PEAR1: variants seen among roughly 807,000 people sequenced by gnomAD.
PEAR1 encodes the protein multiple EGF-like domains protein 12.
PEAR1 carries 113 observed loss-of-function variants against 131.2 expected under a neutral mutation model. The ratio of observed to expected loss-of-function variants is 0.86; its 90% CI spans 0.74 to 1.01. The LOEUF (loss-of-function observed/expected upper bound fraction) is 1.01, where lower values mean the gene tolerates loss of function less well. Ranked by LOEUF, PEAR1 falls within the 50% of genes least tolerant of loss-of-function variation. The pLI, the probability that PEAR1 is intolerant of heterozygous loss-of-function variation, is 0.00. For synonymous variants in PEAR1, 565 were observed against 523.3 expected, an observed-to-expected ratio of 1.08 and a Z score of -1.09; for missense variants, 1,408 against 1,391.1, an observed-to-expected ratio of 1.01 and a Z score of -0.19.
chr1:156,914,112 C>A lies in PEAR1; in HGVS notation c.2962+12C>A. The A allele has an allele frequency of 1.9e-6, 3 of 1,575,972 alleles. No individual in the cohort carries two copies. Among genetic ancestry groups the A allele is most frequent in the East Asian group, 2.3e-5 (1 of 43,286 alleles). ...CCCCCTGATCCATGGTGAGCCCTCC[C>A]TCTCCACTGGCAGGAGCAGCAGAGA... On this transcript the variant is annotated intron_variant, in intron 22 of 22. Transcript: ENST00000292357.
chr1:156,903,992 C>T lies in PEAR1; in HGVS notation c.66C>T (p.Asn22=). 6.2e-7 allele frequency: 1 copy of T among 1,614,090 alleles called. No individual in the cohort carries two copies. The highest frequency in any genetic ancestry group is 8.5e-7 in the Non-Finnish European group (1 of 1,179,994). ...GCCTGCGGCTGGCTGGAACTCTCAA[C>T]CCCAGTGATCCCAATACCTGCAGCT... ...AVGLRLAGTL[N]PSDPNTCSFW... is the part of the protein sequence containing the mutation. Residue 22 remains asparagine, a synonymous_variant, in exon 2 of 23, where the codon AAC becomes AAT. Transcript: ENST00000292357.
chr1:156,907,824 G>A (rs1304716836), intron 7 of PEAR1, 91 bp from the exon 8 acceptor site: 29 of 1,568,570 alleles, frequency 1.8e-5, no homozygotes, highest in Non-Finnish European at 2.3e-5. Context: ...TGAGGGGGGT[G>A]AGCTCTGTGG....
At position 156,907,946 on chromosome 1, in the gene PEAR1, G is replaced by A. The variant is rs1488295187; in HGVS notation, c.797G>A (p.Gly266Asp). The change falls in exon 8 of 23, where the codon GGC (glycine) becomes GAC (aspartate). Residue 266 changes from glycine to aspartate, a missense_variant. Coordinates refer to ENST00000292357, the MANE Select transcript of PEAR1 (RefSeq NM_001080471.3). ...ATCTGCTCCCTGCCCTGCCCAGAGG[G>A]CTTTCACGGACCCAACTGCTCCCAG... Reference protein sequence around the residue: ...GTICSLPCPEGFHGPNCSQEC... With the variant: ...GTICSLPCPEDFHGPNCSQEC... The A allele has an allele frequency of 1.9e-6, 3 of 1,588,080 alleles. No homozygotes were observed. Among genetic ancestry groups the A allele is most frequent in the East Asian group, 2.3e-5 (1 of 43,366 alleles).
At chr1:156,914,188 G>A in intron 22 of PEAR1, 88 bp downstream of exon 22, 1 of 1,455,774 alleles carries the variant, frequency 6.9e-7, no homozygotes, top group Non-Finnish European at 9.1e-7. Context: ...AGAAGAGAAG[G>A]CATGATGTGG....
At chr1:156,910,204 C>A in intron 13 of PEAR1, 30 bp from the exon 14 acceptor site, 1 of 1,610,186 alleles carries the variant, frequency 6.2e-7, no homozygotes, top group Non-Finnish European at 8.5e-7. Flanking sequence ...GGGGGCCCAG[C>A]CAGGCACACC....
In PEAR1 at chr1:156,913,907, C is replaced by T; in HGVS notation, c.2769C>T (p.Asn923=). ...GASVASLSSE[N]PYATIRDLPS... is the part of the protein sequence containing the mutation. Reference sequence around the variant, plus strand: ...GTGTGGCTTCCCTGAGCAGTGAGAACCCATATGCCACCATCCGGGACCTGC... The same window carrying T: ...GTGTGGCTTCCCTGAGCAGTGAGAATCCATATGCCACCATCCGGGACCTGC... Residue 923 remains asparagine (N), a synonymous_variant, in exon 22 of 23, where the codon AAC becomes AAT. Coordinates refer to ENST00000292357, the MANE Select transcript of PEAR1 (RefSeq NM_001080471.3). 7 of 1,614,034 alleles carry T rather than the reference C, an allele frequency of 4.3e-6. No individual in the cohort carries two copies. Among genetic ancestry groups the T allele is most frequent in the Non-Finnish European group, 5.9e-6 (7 of 1,180,002 alleles).
chr1:156,905,089 G>GC (rs1553267500), intron 3 of PEAR1: 1 of 1,309,266 alleles, frequency 7.6e-7, no homozygotes, highest in African/African-American at 1.5e-5. Context: ...GGTTGGGGGG[G>GC]GGGCAAGAAG....
rs1333360820 is a variant in PEAR1 at position 156,910,579 on chromosome 1, G to T, written c.1826-39G>T. On this transcript the variant is annotated intron_variant, in intron 14 of 22. Coordinates refer to ENST00000292357, the MANE Select transcript of PEAR1 (RefSeq NM_001080471.3). ...GTGGGGTAAGGGCTGATTGAGGATT[G>T]GCCTCTGCCCCCAATCACCATGTAC... 4 of 1,609,422 alleles carry T rather than the reference G, an allele frequency of 2.5e-6. No homozygotes were observed. In the East Asian group the frequency reaches 8.9e-5, roughly 36 times the overall value.
chr1:156,897,461 C>A (rs187128778), intron 1 of PEAR1, among the ~76,000 whole-genome samples: 1 of 152,342 alleles, frequency 6.6e-6, no homozygotes, highest in East Asian at 1.9e-4. Flanking sequence ...GGGCTGTGAA[C>A]CCCTGGGTTG....
In PEAR1 at chr1:156,902,670, C is replaced by T. The variant is rs944305666; in HGVS notation, c.-9-1248C>T. 7.2e-5 allele frequency among the ~76,000 whole-genome samples: 11 copies of T among 152,050 alleles called. No individual in the cohort carries two copies. The highest frequency in any genetic ancestry group is 1.0e-4 in the Non-Finnish European group (7 of 67,996). On this transcript the variant is annotated intron_variant, in intron 1 of 22. Coordinates refer to ENST00000292357, the MANE Select transcript of PEAR1 (RefSeq NM_001080471.3). The surrounding 1 kb of genome is among the most constrained non-coding windows in gnomAD (Gnocchi z 4.3). ...CAGGGGGGTAAGGGGCCAGCAACCG[C>T]GACCTTTCTCTCGTCTCAGAAAAAT...
intron 1 of PEAR1, among the ~76,000 whole-genome samples, chr1:156,895,264 C>A (rs911269114): frequency 1.3e-5 from 2 of 152,246 alleles, no homozygotes; most frequent in Non-Finnish European, 2.9e-5. Context: ...TCCAGGCAGC[C>A]TCATCCACCA....
chr1:156,903,312 G>A (rs1396732808), intron 1 of PEAR1, among the ~76,000 whole-genome samples: 1 of 152,166 alleles, frequency 6.6e-6, no homozygotes, highest in South Asian at 2.1e-4. Context: ...CAGTGACAGG[G>A]AACTCACCAC....
chr1:156,907,528 G>C, intron 6 of PEAR1, 82 bp from the exon 7 acceptor site: 1 of 1,538,254 alleles, frequency 6.5e-7, no homozygotes, highest in Non-Finnish European at 8.8e-7. Flanking sequence ...TGAGGTGGGG[G>C]TTGTGGGGGC....
At chr1:156,894,510 G>A (rs2102949514) in intron 1 of PEAR1, among the ~76,000 whole-genome samples, 1 of 152,318 alleles carries the variant, frequency 6.6e-6, no homozygotes, top group African/African-American at 2.4e-5. Context: ...GCAGGTCCCT[G>A]GCTCTCACAT....
chr1:156,912,499 C>A lies in PEAR1; in HGVS notation c.2086C>A (p.Pro696Thr), dbSNP rs374652706. The A allele has an allele frequency of 5.6e-6, 9 of 1,613,120 alleles. No individual in the cohort carries two copies. The highest frequency in any genetic ancestry group is 6.8e-6 in the Non-Finnish European group (8 of 1,179,672). ...CTCCTTGGCTGTCTCCCCAGGCTGC[C>A]CTCTGGGGACATTTGGTGCTAACTG... ...WTGHHCLEGC[P>T]LGTFGANCSQ... Residue 696 changes from proline to threonine, a missense_variant, in exon 17 of 23, where the codon CCT becomes ACT. By Grantham distance (38) the Pro-to-Thr change is conservative. Coordinates refer to ENST00000292357, the MANE Select transcript of PEAR1 (RefSeq NM_001080471.3).
chr1:156,901,739 G>A (rs552309316), intron 1 of PEAR1, among the ~76,000 whole-genome samples: 30 of 152,302 alleles, frequency 2.0e-4, no homozygotes, highest in African/African-American at 6.7e-4. Flanking sequence ...GAGGCATATG[G>A]AGGGCTCGGG....
At chr1:156,904,536 A>T (rs1211647488) in intron 2 of PEAR1, among the ~76,000 whole-genome samples, 2 of 152,238 alleles carry the variant, frequency 1.3e-5, no homozygotes. Context: ...GGGCGCTCTG[A>T]TGGAGGGTAT....
Position 156,908,274 on chromosome 1 carries a change from G to T in PEAR1, c.1049G>T (p.Cys350Phe), listed in dbSNP as rs1397636191. 1 of 1,587,120 alleles carries T rather than the reference G, an allele frequency of 6.3e-7. No homozygotes were observed. Among genetic ancestry groups the T allele is most frequent in the Admixed American group, 1.7e-5 (1 of 57,760 alleles). The change falls in exon 9 of 23, where the codon TGC becomes TTC. Residue 350 changes from cysteine to phenylalanine, a missense_variant. Coordinates refer to ENST00000292357, the MANE Select transcript of PEAR1 (RefSeq NM_001080471.3). This position sits in a 1 kb window ranked among gnomAD's most constrained non-coding sequence, Gnocchi z 4.2. ...GGGGACCGCTGCACGGATCGCCTCT[G>T]CCCCGACGGCTTCTACGGTCTCAGC... ...FTGDRCTDRL[C>F]PDGFYGLSCQ...
intron 1 of PEAR1, among the ~76,000 whole-genome samples, chr1:156,895,231 C>T (rs1433843475): frequency 6.6e-6 from 1 of 152,250 alleles, no homozygotes; most frequent in African/African-American, 2.4e-5. Context: ...CTATCAGACT[C>T]TCCCAGAAGA....
Sources: allele counts gnomAD v4.1 joint callset (sites outside exome capture counted in the v4.1 genomes callset), GRCh38; gene constraint gnomAD v4.1.1; non-coding constraint Gnocchi (gnomAD v3.1); transcripts MANE v1.5; gene names NCBI Gene and HGNC (gene_info 2026-07-23, HGNC 2026-07-21).